Variants in LINGO2 observed in about 807,000 individuals in gnomAD.
LINGO2 encodes the protein leucine-rich repeat and immunoglobulin-like domain-containing nogo receptor-interacting protein 2.
Under a neutral mutation model 30.6 loss-of-function variants are expected in LINGO2, and 14 were observed. The ratio of observed to expected loss-of-function variants is 0.46; its 90% confidence interval spans 0.30 to 0.72. The LOEUF (loss-of-function observed/expected upper bound fraction) is 0.72, where lower values mean the gene tolerates loss of function less well. Ranked by LOEUF, LINGO2 falls within the 30% of genes least tolerant of loss-of-function variation. LINGO2 has a pLI of 0.07. For missense variants in LINGO2, 729 were observed against 751.7 expected, an observed-to-expected ratio of 0.97 and a Z score of 0.35; for synonymous variants, 317 against 288.5, an observed-to-expected ratio of 1.10 and a Z score of -1.00.
chr9:28,448,166 A>G (rs1010879634), intron 2 of LINGO2, among the ~76,000 whole-genome samples: 1 of 152,170 alleles, frequency 6.6e-6, no homozygotes, highest in Non-Finnish European at 1.5e-5. Context: ...AGATAGAATA[A>G]AGGACAAATA....
the LINGO2 span, among the ~76,000 whole-genome samples, chr9:28,703,974 T>C: frequency 6.6e-6 from 1 of 152,022 alleles, no homozygotes. Flanking sequence ...GTTAGGTAAG[T>C]GAATATGAAA....
intron 1 of LINGO2, among the ~76,000 whole-genome samples, chr9:28,644,416 C>T: frequency 6.6e-6 from 1 of 151,738 alleles, no homozygotes; most frequent in East Asian, 1.9e-4. Context: ...GTGACATAAG[C>T]TAGGCCCAAA....
In LINGO2 at chr9:28,656,022, G is replaced by C. The variant is rs540795860; in HGVS notation, c.-365+14178C>G. Among the ~76,000 whole-genome samples the C allele has an allele frequency of 2.0e-5, 3 of 152,204 alleles. No homozygotes were observed. The South Asian group carries it at 6.2e-4, about 32-fold the overall frequency. On this transcript the variant is annotated intron_variant, in intron 1 of 5. Coordinates refer to ENST00000379992, the Ensembl canonical transcript of LINGO2. ...CAAGTGACAGTAGCCAAAGCTATGA[G>C]AAGCAGGTGAATTATTTAACATTGG...
In LINGO2 at chr9:28,303,985, A is replaced by G. The variant is rs76771542; in HGVS notation, c.-245-8619T>C. On this transcript the variant is annotated intron_variant, in intron 3 of 5. Coordinates refer to ENST00000379992, the Ensembl canonical transcript of LINGO2. ...TGTATGTGTGTGTATGTGTACATAT[A>G]TATTTACATTATACAGACATTTATA... Among the ~76,000 whole-genome samples, 1,389 of 152,204 alleles carry G rather than the reference A, an allele frequency of 9.1e-3. 9 individuals are homozygous for G. The highest frequency in any genetic ancestry group is 0.027 in the Middle Eastern group (8 of 294).
intron 2 of LINGO2, among the ~76,000 whole-genome samples, chr9:28,465,052 A>C (rs1488139492): frequency 6.6e-6 from 1 of 152,172 alleles, no homozygotes; most frequent in East Asian, 1.9e-4. Flanking sequence ...GGCAGTGTCT[A>C]CAGGTTGCAT....
intron 4 of LINGO2, among the ~76,000 whole-genome samples, chr9:28,178,618 T>C (rs1191960371): frequency 6.6e-6 from 1 of 152,190 alleles, no homozygotes; most frequent in East Asian, 1.9e-4. Flanking sequence ...GAACATTTTG[T>C]TCTCCATCTT....
the LINGO2 span, among the ~76,000 whole-genome samples, chr9:28,966,769 G>T: frequency 1.3e-5 from 2 of 152,046 alleles, no homozygotes; most frequent in African/African-American, 2.4e-5. Context: ...TCCCCAGGAT[G>T]AACTGCTTTC....
the LINGO2 span, chr9:27,940,808 C>G: frequency 3.3e-5 from 5 of 152,254 alleles, no homozygotes; most frequent in Non-Finnish European, 5.9e-5. Context: ...GAGCTAGAAG[C>G]CAGGCCACTG....
At chr9:28,734,814 C>G in the LINGO2 span, among the ~76,000 whole-genome samples, 2 of 152,108 alleles carry the variant, frequency 1.3e-5, no homozygotes, top group African/African-American at 2.4e-5. Flanking sequence ...GGCATCTCCA[C>G]CAGCGACCAC....
the LINGO2 span, among the ~76,000 whole-genome samples, chr9:28,778,924 T>A: frequency 8.5e-3 from 1,302 of 152,298 alleles, 14 homozygotes; most frequent in East Asian, 0.02. Context: ...TGCATCTGGA[T>A]TATCTATATC....
intron 5 of LINGO2, among the ~76,000 whole-genome samples, chr9:28,008,045 A>C (rs1261431032): frequency 1.3e-5 from 2 of 152,142 alleles, no homozygotes; most frequent in African/African-American, 2.4e-5. Flanking sequence ...TGTTGAAATC[A>C]GGGGCTTTTG....
the LINGO2 span, among the ~76,000 whole-genome samples, chr9:29,205,578 T>C: frequency 2.2e-3 from 337 of 152,322 alleles, 2 homozygotes; most frequent in African/African-American, 7.4e-3. Context: ...TTGGAAAATC[T>C]TCCCTCCTCT....
At chr9:28,701,070 A>AT in the LINGO2 span, among the ~76,000 whole-genome samples, 53 of 149,294 alleles carry the variant, frequency 3.6e-4, no homozygotes, top group African/African-American at 1.2e-3. Flanking sequence ...TTTATCAGCT[A>AT]TTTTTTTTCA....
chr9:28,810,840 T>C, the LINGO2 span, among the ~76,000 whole-genome samples: 15,907 of 152,102 alleles, frequency 0.1, 906 homozygotes, highest in African/African-American at 0.14. Flanking sequence ...TTACTGAAGA[T>C]TGAAGTCATC....
intron 1 of LINGO2, among the ~76,000 whole-genome samples, chr9:28,565,540 G>A (rs1823330749): frequency 6.8e-6 from 1 of 146,768 alleles, no homozygotes; most frequent in Non-Finnish European, 1.5e-5. Context: ...CAGAGAGAAG[G>A]AGAGATCTAG....
chr9:29,182,897 ACCAT>A, the LINGO2 span, among the ~76,000 whole-genome samples: 3 of 152,158 alleles, frequency 2.0e-5, no homozygotes, highest in African/African-American at 7.2e-5. Flanking sequence ...AAATTAGCAG[ACCAT>A]CCAAACATAC....
chr9:28,984,598 G>A, the LINGO2 span, among the ~76,000 whole-genome samples: 1 of 151,938 alleles, frequency 6.6e-6, no homozygotes, highest in African/African-American at 2.4e-5. Context: ...GAAATAAAAT[G>A]AATGACAGAT....
intron 4 of LINGO2, among the ~76,000 whole-genome samples, chr9:28,110,259 G>C (rs1407574163): frequency 6.6e-6 from 1 of 152,122 alleles, no homozygotes; most frequent in Non-Finnish European, 1.5e-5. Context: ...ATGTATTAAA[G>C]ACTTCAATGT....
intron 4 of LINGO2, among the ~76,000 whole-genome samples, chr9:28,047,299 T>C (rs1824468500): frequency 6.6e-6 from 1 of 152,100 alleles, no homozygotes; most frequent in East Asian, 1.9e-4. Context: ...GGAGGATGAT[T>C]GTAGGTTCTG....
Sources: allele counts gnomAD v4.1 joint callset (sites outside exome capture counted in the v4.1 genomes callset), GRCh38; gene constraint gnomAD v4.1.1; transcripts MANE v1.5; gene names NCBI Gene and HGNC (gene_info 2026-07-23, HGNC 2026-07-21).